The following ZMAT5 variants were observed in gnomAD, a reference collection of about 807,000 sequenced individuals.
ZMAT5 encodes the protein zinc finger matrin-type protein 5.
A neutral mutation model predicts 28.0 loss-of-function variants in ZMAT5; 23 were observed. The observed-to-expected ratio is 0.82, with a 90% CI of 0.59 to 1.16. The LOEUF (loss-of-function observed/expected upper bound fraction) is 1.16, where lower values mean the gene tolerates loss of function less well. ZMAT5 is among the 50% of genes most tolerant of loss of function. The probability of loss-of-function intolerance (pLI) is 0.00; values close to 1 mark genes in which losing one functional copy is unlikely to be tolerated. For synonymous variants in ZMAT5, 76 were observed against 84.1 expected, an observed-to-expected ratio of 0.90 and a Z score of 0.52; for missense variants, 173 against 212.7, an observed-to-expected ratio of 0.81 and a Z score of 1.16.
chr22:29,738,562 T>C (rs1029744282), intron 4 of ZMAT5, 121 bp from the exon 5 acceptor site: 5 of 793,868 alleles, frequency 6.3e-6, no homozygotes, highest in Non-Finnish European at 1.0e-5. Flanking sequence ...TGCAGCAACC[T>C]TCCAGGAGGA....
chr22:29,748,336 A>G (rs2068027136), intron 2 of ZMAT5, 82 bp downstream of exon 2: 3 of 1,600,642 alleles, frequency 1.9e-6, no homozygotes, highest in Non-Finnish European at 2.6e-6. Context: ...CTAGACTGTC[A>G]CTGACCCACA....
chr22:29,754,167 T>C (rs2068079015), intron 1 of ZMAT5, among the ~76,000 whole-genome samples: 1 of 152,172 alleles, frequency 6.6e-6, no homozygotes, highest in Admixed American at 6.5e-5. Flanking sequence ...CATGGGGTGC[T>C]GACTAAGCTG....
Position 29,742,326 on chromosome 22 carries a change from C to T in ZMAT5, c.190+92G>A, listed in dbSNP as rs564106079. ...GCAAAGTGGGCTTGGGATGGTGGCC[C>T]GGGTCGGGGAAGACACTCTGCAGAG... is the stretch of plus-strand genomic sequence containing the variant. On this transcript the variant is annotated intron_variant, in intron 3 of 5. Coordinates refer to ENST00000344318, the MANE Select transcript of ZMAT5 (RefSeq NM_001003692.2). 3.9e-5 allele frequency: 52 copies of T among 1,346,792 alleles called. No individual in the cohort carries two copies. The East Asian group carries it at 4.7e-4, about 12-fold the overall frequency. 83.4% of individuals were successfully genotyped at this position (1,346,792 alleles called of 1,614,324 possible).
chr22:29,743,132 A>T (rs532982200), intron 2 of ZMAT5, among the ~76,000 whole-genome samples: 1 of 152,092 alleles, frequency 6.6e-6, no homozygotes, highest in Non-Finnish European at 1.5e-5. Flanking sequence ...GGCACTATGG[A>T]ACTTCTCATT....
chr22:29,762,679 ACATTATGGTGAG>A (rs2068169065), intron 1 of ZMAT5, among the ~76,000 whole-genome samples: 1 of 152,200 alleles, frequency 6.6e-6, no homozygotes, highest in Non-Finnish European at 1.5e-5. Context: ...CACTGATTCT[ACATTATGGTGAG>A]CTGTATAATT....
In ZMAT5 at chr22:29,743,642, G is replaced by A. The variant is rs555587659; in HGVS notation, c.128-1162C>T. 2.3e-4 allele frequency among the ~76,000 whole-genome samples: 35 copies of A among 152,192 alleles called. 1 individual carries two copies. The East Asian group carries it at 6.2e-3, about 27-fold the overall frequency. ...AGATGGGGTTTCGCCATGTTACCCA[G>A]GCTGGTCTCGAACTCCTGGGCTCAA... On this transcript the variant is annotated intron_variant, in intron 2 of 5. Transcript: ENST00000344318.
rs750706154 is a variant in ZMAT5 at position 29,740,634 on chromosome 22, GCATCCCGA to G, written c.271+8_271+15del. On this transcript the variant is annotated splice_region_variant and intron_variant, in intron 4 of 5. Coordinates refer to ENST00000344318, the MANE Select transcript of ZMAT5 (RefSeq NM_001003692.2). ...GCACCCCACTCCCGCTTAGCCCAGGGCATCCCGAGACGTACCCTCCACCTGGATGCTCA... is the reference window on the plus strand; with the variant it reads ...GCACCCCACTCCCGCTTAGCCCAGGGGACGTACCCTCCACCTGGATGCTCA... 70 of 1,586,124 alleles carry G rather than the reference GCATCCCGA, an allele frequency of 4.4e-5. No homozygotes were observed. The highest frequency in any genetic ancestry group is 5.8e-5 in the Non-Finnish European group (68 of 1,166,128).
intron 4 of ZMAT5, among the ~76,000 whole-genome samples, chr22:29,739,939 T>C (rs73390986): frequency 0.086 from 13,143 of 152,224 alleles, 645 homozygotes; most frequent in African/African-American, 0.11. Flanking sequence ...CCCCAGACCT[T>C]CACTGGCTAC....
chr22:29,738,879 T>G (rs2067933998), intron 4 of ZMAT5, among the ~76,000 whole-genome samples: 1 of 151,928 alleles, frequency 6.6e-6, no homozygotes, highest in African/African-American at 2.4e-5. Flanking sequence ...TGTGTGGTGG[T>G]GGGTGCCTGT....
intron 2 of ZMAT5, chr22:29,748,210 C>G (rs2068025925): frequency 3.0e-6 from 2 of 662,630 alleles, no homozygotes; most frequent in Admixed American, 2.6e-5. Context: ...GGCCTTCCTC[C>G]TGTCCACAGA....
intron 2 of ZMAT5, among the ~76,000 whole-genome samples, chr22:29,745,271 C>A (rs2067999513): frequency 6.6e-6 from 1 of 152,066 alleles, no homozygotes; most frequent in African/African-American, 2.4e-5. Flanking sequence ...TGGCTTGGGG[C>A]AGGGAGGACA....
chr22:29,736,975 A>C (rs131260), intron 5 of ZMAT5, among the ~76,000 whole-genome samples: 69,516 of 148,368 alleles, frequency 0.47, 16,642 homozygotes, highest in East Asian at 0.6. Context: ...TTGCAATGAG[A>C]CAATTGCACC....
chr22:29,744,682 G>T (rs1227555463), intron 2 of ZMAT5, among the ~76,000 whole-genome samples: 2 of 152,170 alleles, frequency 1.3e-5, no homozygotes, highest in African/African-American at 2.4e-5. Context: ...AGAATTCCAG[G>T]CTGCCCACGT....
chr22:29,752,685 C>G (rs1190920269), intron 1 of ZMAT5, among the ~76,000 whole-genome samples: 1 of 152,202 alleles, frequency 6.6e-6, no homozygotes, highest in African/African-American at 2.4e-5. Context: ...ATCCAGTGAT[C>G]AGATGAGAAG....
intron 1 of ZMAT5, among the ~76,000 whole-genome samples, chr22:29,761,402 C>T (rs908017967): frequency 6.6e-6 from 1 of 151,936 alleles, no homozygotes; most frequent in Admixed American, 6.6e-5. Flanking sequence ...CATAGGGGAA[C>T]CTTGTCTCTA....
intron 1 of ZMAT5, among the ~76,000 whole-genome samples, chr22:29,762,367 C>T (rs559810226): frequency 2.6e-5 from 4 of 152,342 alleles, no homozygotes; most frequent in East Asian, 3.9e-4. Flanking sequence ...CGGAACGGTA[C>T]GGGTCCATGG....
intron 5 of ZMAT5, among the ~76,000 whole-genome samples, chr22:29,737,584 C>T (rs552309527): frequency 2.0e-5 from 3 of 152,330 alleles, no homozygotes; most frequent in South Asian, 4.1e-4. Context: ...TGTTCAAAGT[C>T]GCATGCGGCT....
At chr22:29,756,884 C>A (rs2068106424) in intron 1 of ZMAT5, among the ~76,000 whole-genome samples, 1 of 151,876 alleles carries the variant, frequency 6.6e-6, no homozygotes, top group African/African-American at 2.4e-5. Context: ...ACTAAAAATA[C>A]AAAAATTAGC....
intron 1 of ZMAT5, among the ~76,000 whole-genome samples, chr22:29,761,356 C>A (rs1207970170): frequency 6.6e-6 from 1 of 151,080 alleles, no homozygotes; most frequent in Non-Finnish European, 1.5e-5. Flanking sequence ...GCAGGAGGAT[C>A]ACTTGAGCCC....
Sources: gnomAD v4.1 joint callset for allele counts (sites outside exome capture counted in the v4.1 genomes callset) on GRCh38, gnomAD v4.1.1 for gene constraint, MANE v1.5 for transcripts, NCBI Gene and HGNC (gene_info 2026-07-23, HGNC 2026-07-21) for gene names.